Variants in CCDC181 observed in about 807,000 individuals in gnomAD.
CCDC181 encodes coiled-coil domain-containing protein 181.
A neutral mutation model predicts 58.7 loss-of-function variants in CCDC181; 35 were observed. The ratio of observed to expected loss-of-function variants is 0.60; its 90% CI spans 0.46 to 0.79. The LOEUF (loss-of-function observed/expected upper bound fraction) is 0.79. Ranked by LOEUF, CCDC181 falls within the 30% of genes least tolerant of loss-of-function variation. CCDC181 has a pLI of 0.00. For missense variants in CCDC181, 517 were observed against 583.9 expected, an observed-to-expected ratio of 0.89 and a Z score of 1.18; for synonymous variants, 183 against 197.5, an observed-to-expected ratio of 0.93 and a Z score of 0.62.
chr1:169,419,735 T>C (rs1048255519), intron 3 of CCDC181, among the ~76,000 whole-genome samples: 1 of 152,206 alleles, frequency 6.6e-6, no homozygotes, highest in Non-Finnish European at 1.5e-5. Flanking sequence ...CTTGCATGAA[T>C]ACAGTATGAC....
chr1:169,433,467 C>T (rs1269253669), intron 2 of CCDC181, among the ~76,000 whole-genome samples: 1 of 151,758 alleles, frequency 6.6e-6, no homozygotes, highest in Non-Finnish European at 1.5e-5. Flanking sequence ...TCAAGGAACC[C>T]CAAAAGCCAA....
intron 4 of CCDC181, among the ~76,000 whole-genome samples, chr1:169,401,315 C>T (rs906197495): frequency 2.0e-5 from 3 of 152,298 alleles, no homozygotes; most frequent in East Asian, 3.9e-4. Context: ...TTTCCCAGCA[C>T]GGAGTTTGAG....
intron 4 of CCDC181, among the ~76,000 whole-genome samples, chr1:169,402,909 C>G (rs879296356): frequency 6.6e-6 from 1 of 151,808 alleles, no homozygotes; most frequent in East Asian, 1.9e-4. Context: ...ATTCAGGATA[C>G]CCATGTGCAG....
rs556829734 is a variant in CCDC181 at position 169,394,972 on chromosome 1, A to G, written c.*75T>C. 4.3e-5 allele frequency: 56 copies of G among 1,311,028 alleles called. No homozygotes were observed. The highest frequency in any genetic ancestry group is 1.7e-4 in the East Asian group (7 of 41,018). The allele number at this position is 1,311,028 out of a possible 1,614,324, so 81.2% of individuals were successfully genotyped here. A position where few individuals can be genotyped will look rare whatever the true frequency, so the allele number is the denominator to read the frequency against. ...CATTTCCATAATTTAGAATACAACC[A>G]AAGTACACAGACCCTAAGAAATCAT... On this transcript the variant is annotated 3_prime_UTR_variant, in exon 6 of 6. Coordinates refer to ENST00000367806, the MANE Select transcript of CCDC181 (RefSeq NM_001300969.2).
At chr1:169,397,117 G>A in intron 5 of CCDC181, 120 bp downstream of exon 5, 3 of 717,836 alleles carry the variant, frequency 4.2e-6, no homozygotes, top group Non-Finnish European at 6.3e-6. Context: ...AAATTGAATA[G>A]GTACGTGCTG....
intron 2 of CCDC181, among the ~76,000 whole-genome samples, chr1:169,440,884 A>G (rs1481730398): frequency 6.8e-6 from 1 of 147,390 alleles, no homozygotes; most frequent in Non-Finnish European, 1.5e-5. Context: ...ACAGTGAGTC[A>G]TGATCATGCC....
chr1:169,441,713 T>G (rs1159545642), intron 2 of CCDC181, among the ~76,000 whole-genome samples: 2 of 151,898 alleles, frequency 1.3e-5, no homozygotes, highest in African/African-American at 4.8e-5. Context: ...GGCTTTATGC[T>G]TTTTAAACTC....
chr1:169,416,727 G>GT (rs1458194348), intron 4 of CCDC181, among the ~76,000 whole-genome samples: 1 of 152,084 alleles, frequency 6.6e-6, no homozygotes, highest in East Asian at 1.9e-4. Context: ...CTTACTCAGT[G>GT]TATTATTATT....
intron 4 of CCDC181, among the ~76,000 whole-genome samples, chr1:169,397,900 A>G (rs1344644833): frequency 6.6e-6 from 1 of 152,222 alleles, no homozygotes; most frequent in Non-Finnish European, 1.5e-5. Flanking sequence ...AAAGGAAAAG[A>G]TACATTCATT....
intron 2 of CCDC181, among the ~76,000 whole-genome samples, chr1:169,422,721 C>A (rs938053083): frequency 1.3e-5 from 2 of 152,058 alleles, no homozygotes; most frequent in Non-Finnish European, 2.9e-5. Flanking sequence ...AGCTTTCTCC[C>A]CAGACCATTT....
intron 4 of CCDC181, chr1:169,418,715 GGT>G: frequency 2.1e-5 from 8 of 383,734 alleles, no homozygotes; most frequent in Non-Finnish European, 2.3e-5. Flanking sequence ...TTTGTGGGGG[GGT>G]GTGTGTGTAT....
upstream of CCDC181, among the ~76,000 whole-genome samples, chr1:169,431,916 G>T (rs979488620): frequency 6.6e-6 from 1 of 152,136 alleles, no homozygotes; most frequent in African/African-American, 2.4e-5. Flanking sequence ...AACTTCCAGG[G>T]AATTTTCCTT....
In CCDC181 at chr1:169,405,610, A is replaced by G. The variant is rs911218110; in HGVS notation, c.1216-8219T>C. Among the ~76,000 whole-genome samples, 6 of 152,250 alleles carry G rather than the reference A, an allele frequency of 3.9e-5. No homozygotes were observed. The East Asian group carries it at 1.2e-3, about 29-fold the overall frequency. On this transcript the variant is annotated intron_variant, in intron 4 of 5. Transcript: ENST00000367806. ...GGGAAAACTGGCTAGCCATATGTAG[A>G]AAGCTGAAACTGGATTCCTTCCTTA...
intron 4 of CCDC181, among the ~76,000 whole-genome samples, chr1:169,411,636 A>G (rs183357710): frequency 6.6e-6 from 1 of 152,342 alleles, no homozygotes; most frequent in Admixed American, 6.5e-5. Context: ...AAAATTCGCA[A>G]TAAAATACCA....
At position 169,415,231 on chromosome 1, in the gene CCDC181, G is replaced by A. The variant is rs562733480; in HGVS notation, c.1215+3782C>T. Among the ~76,000 whole-genome samples the A allele has an allele frequency of 5.6e-4, 86 of 152,258 alleles. No homozygotes were observed. In the South Asian group the frequency reaches 0.017, roughly 30 times the overall value. ...CCATGAGGCCTGAAGGCCCATCATCGTCCAAGAAGCTATCAGCAGTATGGC... is the reference window on the plus strand; with the variant it reads ...CCATGAGGCCTGAAGGCCCATCATCATCCAAGAAGCTATCAGCAGTATGGC... On this transcript the variant is annotated intron_variant, in intron 4 of 5. Coordinates refer to ENST00000367806, the MANE Select transcript of CCDC181 (RefSeq NM_001300969.2).
At chr1:169,409,626 AG>A (rs1227208463) in intron 4 of CCDC181, among the ~76,000 whole-genome samples, 3 of 152,202 alleles carry the variant, frequency 2.0e-5, no homozygotes, top group Non-Finnish European at 4.4e-5. Flanking sequence ...AAAAATGTTA[AG>A]GGCAGCCAGA....
intron 2 of CCDC181, among the ~76,000 whole-genome samples, chr1:169,446,071 C>T (rs886547809): frequency 2.0e-5 from 3 of 152,076 alleles, no homozygotes; most frequent in Non-Finnish European, 4.4e-5. Context: ...TTGATTTTCT[C>T]TATTGTTTTC....
intron 2 of CCDC181, among the ~76,000 whole-genome samples, chr1:169,449,252 T>A (rs1243072136): frequency 6.6e-6 from 1 of 152,198 alleles, no homozygotes; most frequent in Non-Finnish European, 1.5e-5. Flanking sequence ...TACTAGGAAC[T>A]GAGGTAAATA....
chr1:169,451,658 A>G (rs1657542292), intron 2 of CCDC181, among the ~76,000 whole-genome samples: 1 of 152,074 alleles, frequency 6.6e-6, no homozygotes, highest in Non-Finnish European at 1.5e-5. Context: ...GTTCCAGGCT[A>G]AACAATACCC....
Sources: allele counts gnomAD v4.1 joint callset (sites outside exome capture counted in the v4.1 genomes callset), GRCh38; gene constraint gnomAD v4.1.1; transcripts MANE v1.5; gene names NCBI Gene and HGNC (gene_info 2026-07-23, HGNC 2026-07-21).